Variants in SMCO4 observed in about 807,000 individuals in gnomAD.
SMCO4 encodes single-pass membrane protein with coiled-coil domains 4, also known as single-pass membrane and coiled-coil domain-containing protein 4.
In SMCO4, 4 loss-of-function variants were observed where a neutral mutation model predicts 3.6. The observed-to-expected ratio is 1.11, with a 90% CI of 0.54 to 2.53. The LOEUF (loss-of-function observed/expected upper bound fraction) is 2.53, where lower values mean the gene tolerates loss of function less well. Ranked by LOEUF, SMCO4 falls within the 30% of genes most tolerant of loss-of-function variation. The pLI, the probability that SMCO4 is intolerant of heterozygous loss-of-function variation, is 0.02. For missense variants in SMCO4, 70 were observed against 80.8 expected, an observed-to-expected ratio of 0.87 and a Z score of 0.51; for synonymous variants, 36 against 35.3, an observed-to-expected ratio of 1.02 and a Z score of -0.07.
chr11:93,543,720 A>G (rs1949293262), upstream of SMCO4, among the ~76,000 whole-genome samples: 1 of 152,178 alleles, frequency 6.6e-6, no homozygotes, highest in Non-Finnish European at 1.5e-5. Flanking sequence ...CGGAAAGGGG[A>G]TAGTTGGAGG....
chr11:93,483,549 C>A (rs1948615509), intron 2 of SMCO4, among the ~76,000 whole-genome samples: 1 of 152,106 alleles, frequency 6.6e-6, no homozygotes, highest in Non-Finnish European at 1.5e-5. Flanking sequence ...CCAGAGAGGC[C>A]ACAAGAGAAG....
intron 2 of SMCO4, among the ~76,000 whole-genome samples, chr11:93,497,486 T>G (rs912061945): frequency 6.6e-6 from 1 of 152,096 alleles, no homozygotes; most frequent in African/African-American, 2.4e-5. Flanking sequence ...GAGGAACATA[T>G]CTGCTTTTTC....
At chr11:93,491,951 T>C (rs948310305) in intron 2 of SMCO4, among the ~76,000 whole-genome samples, 1 of 152,230 alleles carries the variant, frequency 6.6e-6, no homozygotes, top group Non-Finnish European at 1.5e-5. Flanking sequence ...CAAGCACCAG[T>C]TGTTTATAAC....
chr11:93,481,475 C>T (rs1948591908), intron 2 of SMCO4: 1 of 985,416 alleles, frequency 1.0e-6, no homozygotes, highest in African/African-American at 1.7e-5. Flanking sequence ...CTGTATAACT[C>T]AGGGCTTGGC....
At chr11:93,492,761 G>C (rs1407152187) in intron 2 of SMCO4, among the ~76,000 whole-genome samples, 2 of 152,216 alleles carry the variant, frequency 1.3e-5, no homozygotes, top group East Asian at 3.9e-4. Context: ...ACGAGTTGAT[G>C]AACGATGAGC....
intron 1 of SMCO4, chr11:93,535,357 T>A (rs996674850): frequency 1.5e-6 from 1 of 664,546 alleles, no homozygotes; most frequent in Non-Finnish European, 2.6e-6. Flanking sequence ...ATAGTTGCTA[T>A]GGACCCACCA....
chr11:93,540,473 T>C (rs1242763021), intron 1 of SMCO4, among the ~76,000 whole-genome samples: 1 of 152,248 alleles, frequency 6.6e-6, no homozygotes, highest in African/African-American at 2.4e-5. Context: ...CAAGTGTTTA[T>C]GTTAAAATGT....
At chr11:93,503,679 C>A (rs191460863) in intron 1 of SMCO4, among the ~76,000 whole-genome samples, 1 of 152,134 alleles carries the variant, frequency 6.6e-6, no homozygotes, top group Admixed American at 6.5e-5. Context: ...GGCAGATATA[C>A]GAATGACAAG....
chr11:93,484,447 C>G (rs774882465), intron 2 of SMCO4, among the ~76,000 whole-genome samples: 5 of 152,174 alleles, frequency 3.3e-5, no homozygotes, highest in Non-Finnish European at 5.9e-5. Flanking sequence ...AGCTCTGCCC[C>G]ATCTGGTTAA....
At chr11:93,506,845 G>A (rs1235060642) in intron 1 of SMCO4, among the ~76,000 whole-genome samples, 2 of 152,116 alleles carry the variant, frequency 1.3e-5, no homozygotes, top group South Asian at 2.1e-4. Context: ...AATGTTAAGC[G>A]CACTCATTCG....
chr11:93,543,619 C>T (rs1312938183), upstream of SMCO4: 2 of 152,324 alleles, frequency 1.3e-5, no homozygotes, highest in East Asian at 3.9e-4. Context: ...CAGCGCGCTT[C>T]CTCCGGCTCC....
chr11:93,478,865 T>G lies in SMCO4; in HGVS notation c.*145A>C. On this transcript the variant is annotated 3_prime_UTR_variant, in exon 3 of 3. Transcript: ENST00000298966. ...TCCCAAGAAAGCGGAGATACTTTAA[T>G]CAAGTCAAAGACCAGAGAAGACAGG... is the stretch of plus-strand genomic sequence containing the variant. 1 of 1,427,960 alleles carries G rather than the reference T, an allele frequency of 7.0e-7. No homozygotes were observed. The highest frequency in any genetic ancestry group is 9.1e-7 in the Non-Finnish European group (1 of 1,093,428). 88.5% of individuals were successfully genotyped at this position (1,427,960 alleles called of 1,614,324 possible).
chr11:93,536,094 T>C (rs1949222247), intron 1 of SMCO4, among the ~76,000 whole-genome samples: 2 of 152,292 alleles, frequency 1.3e-5, no homozygotes, highest in South Asian at 2.1e-4. Context: ...CAAGCTATCA[T>C]TAAACATGTC....
At chr11:93,494,237 T>C (rs985049242) in intron 2 of SMCO4, among the ~76,000 whole-genome samples, 12 of 152,218 alleles carry the variant, frequency 7.9e-5, no homozygotes, top group Admixed American at 7.2e-4. Context: ...GAGACATCTT[T>C]TGCAAAGGGA....
At chr11:93,536,191 A>C (rs1949222886) in intron 1 of SMCO4, among the ~76,000 whole-genome samples, 1 of 152,156 alleles carries the variant, frequency 6.6e-6, no homozygotes, top group African/African-American at 2.4e-5. Context: ...ACAATGATCC[A>C]TTTCTTTCAC....
intron 1 of SMCO4, among the ~76,000 whole-genome samples, chr11:93,521,058 T>C (rs1457657140): frequency 6.6e-6 from 1 of 152,236 alleles, no homozygotes; most frequent in East Asian, 1.9e-4. Flanking sequence ...GCACCTGGCT[T>C]TCCTAAGAAA....
intron 2 of SMCO4, among the ~76,000 whole-genome samples, chr11:93,490,587 A>C (rs1948703057): frequency 6.6e-6 from 1 of 152,236 alleles, no homozygotes; most frequent in Non-Finnish European, 1.5e-5. Flanking sequence ...AGTCCACCAG[A>C]CTAAGCCGAC....
chr11:93,521,974 A>AT (rs938628597), intron 1 of SMCO4, among the ~76,000 whole-genome samples: 98 of 152,244 alleles, frequency 6.4e-4, no homozygotes, highest in African/African-American at 2.1e-3. Flanking sequence ...ACACATTGTT[A>AT]TTTTTCACTG....
At chr11:93,485,001 A>G (rs1565372547) in intron 2 of SMCO4, among the ~76,000 whole-genome samples, 1 of 152,238 alleles carries the variant, frequency 6.6e-6, no homozygotes, top group Non-Finnish European at 1.5e-5. Flanking sequence ...GCTTAGTACC[A>G]AAAGAAAGAA....
Sources: allele counts gnomAD v4.1 joint callset (sites outside exome capture counted in the v4.1 genomes callset), GRCh38; gene constraint gnomAD v4.1.1; transcripts MANE v1.5; gene names NCBI Gene and HGNC (gene_info 2026-07-23, HGNC 2026-07-21).